CNTLN: variants seen among roughly 807,000 people sequenced by gnomAD.
CNTLN encodes the protein centlein, centrosomal protein.
In CNTLN, 212 loss-of-function variants were observed where a neutral mutation model predicts 180.0. The observed-to-expected ratio is 1.18, with a 90% confidence interval of 1.05 to 1.32. CNTLN has a LOEUF of 1.32. Among genes scored for constraint, CNTLN ranks in the 40% most tolerant of loss-of-function variants. The pLI, the probability that CNTLN is intolerant of heterozygous loss-of-function variation, is 0.00. For synonymous variants in CNTLN, 722 were observed against 563.1 expected (o/e 1.28, Z -3.99); for missense variants, 2,095 against 1,610.9 (o/e 1.30, Z -5.14).
At chr9:17,519,300 T>G in the CNTLN span, among the ~76,000 whole-genome samples, 1 of 151,806 alleles carries the variant, frequency 6.6e-6, no homozygotes, top group African/African-American at 2.4e-5. Flanking sequence ...AACACAGTAT[T>G]GCATGAGGGA....
At chr9:17,153,971 G>C (rs2815182) in intron 2 of CNTLN, among the ~76,000 whole-genome samples, 2 of 151,760 alleles carry the variant, frequency 1.3e-5, no homozygotes, top group Non-Finnish European at 2.9e-5. Context: ...TGTAGTCTTC[G>C]CAAAGTTCTC....
At position 17,135,166 on chromosome 9, in the gene CNTLN, T is replaced by G; in HGVS notation, c.101T>G (p.Met34Arg). 6.2e-7 allele frequency: 1 copy of G among 1,609,870 alleles called. No individual in the cohort carries two copies. The change falls in exon 1 of 26, where the codon ATG (methionine) becomes AGG (arginine). Residue 34 changes from methionine (M) to arginine (R), a missense_variant. Coordinates refer to ENST00000380647, the MANE Select transcript of CNTLN (RefSeq NM_017738.4). Reference protein sequence around the residue: ...RVGRGAEVHAMRSEASGFAGA... With the variant: ...RVGRGAEVHARRSEASGFAGA... ...GGGCGGGGAGCTGAAGTACACGCAA[T>G]GCGCAGCGAGGCCTCGGGTTTTGCC...
At chr9:17,236,826 T>C (rs1021075632) in intron 5 of CNTLN, among the ~76,000 whole-genome samples, 1 of 152,210 alleles carries the variant, frequency 6.6e-6, no homozygotes, top group Admixed American at 6.5e-5. Flanking sequence ...GGCTATTGCA[T>C]TTTGAAAGAA....
chr9:17,214,335 A>G (rs532557700), intron 2 of CNTLN, among the ~76,000 whole-genome samples: 3 of 152,298 alleles, frequency 2.0e-5, no homozygotes, highest in Admixed American at 6.5e-5. Context: ...GCTGGATATG[A>G]AATTCTGGGT....
At chr9:17,195,388 C>G (rs1376428453) in intron 2 of CNTLN, among the ~76,000 whole-genome samples, 1 of 152,076 alleles carries the variant, frequency 6.6e-6, no homozygotes, top group Non-Finnish European at 1.5e-5. Flanking sequence ...GTGATCTTTT[C>G]CTTGTATCCT....
intron 19 of CNTLN, among the ~76,000 whole-genome samples, chr9:17,458,221 G>GA (rs372988826): frequency 0.19 from 24,965 of 133,032 alleles, 2,696 homozygotes; most frequent in Non-Finnish European, 0.27. Flanking sequence ...TGAGAGGAGA[G>GA]AAAAAAAAAA....
At position 17,466,125 on chromosome 9, in the gene CNTLN, T is replaced by G; in HGVS notation, c.3669+7T>G. On this transcript the variant is annotated splice_region_variant and intron_variant, in intron 22 of 25. Transcript: ENST00000380647. ...AGAGGAGTTAGAAAAAAAGGTATGC[T>G]TTTAAAAAGGGCATTTTAGATTACA... 1 of 1,594,476 alleles carries G rather than the reference T, an allele frequency of 6.3e-7. No individual in the cohort carries two copies. Among genetic ancestry groups the G allele is most frequent in the Non-Finnish European group, 8.6e-7 (1 of 1,167,740 alleles).
intron 23 of CNTLN, among the ~76,000 whole-genome samples, chr9:17,476,500 AG>A (rs1832355964): frequency 6.6e-6 from 1 of 152,240 alleles, no homozygotes; most frequent in South Asian, 2.1e-4. Context: ...CAAACAGCCA[AG>A]TCATGAATGC....
chr9:17,191,850 G>A (rs373730349), intron 2 of CNTLN, among the ~76,000 whole-genome samples: 2 of 152,172 alleles, frequency 1.3e-5, no homozygotes, highest in Non-Finnish European at 2.9e-5. Context: ...TTTATTGTGA[G>A]GATGTGTAAG....
At chr9:17,274,285 G>C (rs1269707613) in intron 6 of CNTLN, among the ~76,000 whole-genome samples, 3 of 151,926 alleles carry the variant, frequency 2.0e-5, no homozygotes, top group Non-Finnish European at 4.4e-5. Context: ...AATTGATTTT[G>C]TAATACTATT....
chr9:17,511,293 G>T, the CNTLN span, among the ~76,000 whole-genome samples: 1,085 of 152,230 alleles, frequency 7.1e-3, 6 homozygotes, highest in East Asian at 0.011. Context: ...ATTATCATGG[G>T]TTTTACAAGG....
At chr9:17,203,920 C>T (rs1413503928) in intron 2 of CNTLN, among the ~76,000 whole-genome samples, 2 of 152,202 alleles carry the variant, frequency 1.3e-5, no homozygotes, top group Non-Finnish European at 2.9e-5. Flanking sequence ...GATCTTCAAT[C>T]TCTGATAGTC....
intron 3 of CNTLN, among the ~76,000 whole-genome samples, chr9:17,227,134 C>G (rs1824523933): frequency 1.3e-5 from 2 of 151,608 alleles, no homozygotes; most frequent in Admixed American, 1.3e-4. Context: ...ACTCCCTATG[C>G]AAAATCAGCA....
chr9:17,301,218 G>C lies in CNTLN; in HGVS notation c.1146+2866G>C, dbSNP rs557396964. 5.2e-5 allele frequency: 51 copies of C among 985,370 alleles called. No individual in the cohort carries two copies. In the East Asian group the frequency reaches 5.3e-3, roughly 103 times the overall value. The allele number at this position is 985,370 out of a possible 1,614,324, so 61.0% of individuals were successfully genotyped here. ...CCTAGTGTATGTCTTTACTAAATTG[G>C]GAGAAGTAGAGCTTATATGCCCCTA... On this transcript the variant is annotated intron_variant, in intron 7 of 25. Transcript: ENST00000380647.
intron 7 of CNTLN, chr9:17,300,078 A>T (rs1490132843): frequency 6.6e-6 from 1 of 152,132 alleles, no homozygotes; most frequent in East Asian, 1.9e-4. Context: ...CTGCAGGTTC[A>T]ATATCCCTTA....
At chr9:17,230,646 G>C (rs905098253) in intron 3 of CNTLN, among the ~76,000 whole-genome samples, 3 of 151,906 alleles carry the variant, frequency 2.0e-5, no homozygotes, top group African/African-American at 7.3e-5. Flanking sequence ...TTTTCTTGAT[G>C]GCAGGCCTTG....
intron 18 of CNTLN, among the ~76,000 whole-genome samples, chr9:17,441,042 G>T (rs977574682): frequency 8.1e-6 from 1 of 123,262 alleles, no homozygotes; most frequent in Non-Finnish European, 1.7e-5. Context: ...ACATCCTTAA[G>T]AAATAAACTT....
intron 13 of CNTLN, among the ~76,000 whole-genome samples, chr9:17,383,840 G>T (rs1241015460): frequency 6.6e-6 from 1 of 151,876 alleles, no homozygotes; most frequent in African/African-American, 2.4e-5. Flanking sequence ...GGGTTTCACC[G>T]TGTTAGCCAG....
chr9:17,171,262 C>G (rs1371424402), intron 2 of CNTLN, among the ~76,000 whole-genome samples: 4 of 152,080 alleles, frequency 2.6e-5, no homozygotes, highest in Admixed American at 2.6e-4. Flanking sequence ...GCATTGATAT[C>G]TGTGCATTTA....
Sources: gnomAD v4.1 joint callset for allele counts (sites outside exome capture counted in the v4.1 genomes callset) on GRCh38, gnomAD v4.1.1 for gene constraint, MANE v1.5 for transcripts, NCBI Gene and HGNC (gene_info 2026-07-23, HGNC 2026-07-21) for gene names.